CHD7: variants seen among roughly 807,000 people sequenced by gnomAD.
The protein encoded by CHD7 is ATP-dependent chromatin remodeler CHD7.
Under a neutral mutation model 307.3 loss-of-function variants are expected in CHD7, and 24 were observed. That is an observed-to-expected ratio of 0.08 (90% CI 0.06 to 0.11). The LOEUF (loss-of-function observed/expected upper bound fraction) is 0.11. Among genes scored for constraint, CHD7 ranks in the 10% least tolerant of loss-of-function variants. CHD7 has a pLI of 1.00. For missense variants in CHD7, 3,106 were observed against 3,727.1 expected, an observed-to-expected ratio of 0.83 and a Z score of 4.34; for synonymous variants, 1,363 against 1,349.9, an observed-to-expected ratio of 1.01 and a Z score of -0.21.
intron 15 of CHD7, among the ~76,000 whole-genome samples, chr8:60,835,791 G>C (rs1804715772): frequency 6.6e-6 from 1 of 152,150 alleles, no homozygotes; most frequent in Non-Finnish European, 1.5e-5. Context: ...TTGACAGTCT[G>C]TTGTTGAAAT....
intron 2 of CHD7, among the ~76,000 whole-genome samples, chr8:60,745,147 G>T (rs1586256196): frequency 1.3e-5 from 2 of 152,050 alleles, no homozygotes; most frequent in Non-Finnish European, 2.9e-5. Flanking sequence ...CAGCAGACCT[G>T]GGTGGCTTTT....
At chr8:60,684,130 T>C (rs2150475682) in intron 1 of CHD7, among the ~76,000 whole-genome samples, 1 of 152,332 alleles carries the variant, frequency 6.6e-6, no homozygotes, top group Non-Finnish European at 1.5e-5. Context: ...AAATTAGAAA[T>C]GTCTTTTTAA....
At chr8:60,756,598 G>T (rs1433257094) in intron 2 of CHD7, among the ~76,000 whole-genome samples, 1 of 152,186 alleles carries the variant, frequency 6.6e-6, no homozygotes, top group East Asian at 1.9e-4. Flanking sequence ...GATTGCTTGA[G>T]CCCAGGAGTT....
At chr8:60,729,846 A>T (rs1808352292) in intron 1 of CHD7, among the ~76,000 whole-genome samples, 1 of 152,236 alleles carries the variant, frequency 6.6e-6, no homozygotes, top group African/African-American at 2.4e-5. Flanking sequence ...ATCAAAATGG[A>T]CACAATGTAG....
At chr8:60,770,451 G>C (rs1342526509) in intron 2 of CHD7, among the ~76,000 whole-genome samples, 2 of 152,116 alleles carry the variant, frequency 1.3e-5, no homozygotes, top group Non-Finnish European at 2.9e-5. Context: ...CCCCTCAGCA[G>C]TGTTTATAAA....
intron 7 of CHD7, among the ~76,000 whole-genome samples, 177 bp from the exon 8 acceptor site, chr8:60,816,210 A>G (rs564111283): frequency 6.6e-6 from 1 of 151,892 alleles, no homozygotes; most frequent in Non-Finnish European, 1.5e-5. Context: ...AGGCACTAAT[A>G]TTGATTTTCT....
chr8:60,822,717 T>C lies in CHD7; in HGVS notation c.3172T>C (p.Leu1058=), dbSNP rs770678699. ...GSQASRRTIQ[L]YEMYFKDPQG... is the part of the protein sequence containing the mutation. The stretch of plus-strand genomic sequence containing the variant: ...TCAAGCTAGTCGTCGGACCATTCAG[T>C]TGTATGAAATGTACTTCAAAGATCC... The change falls in exon 12 of 38, where the codon TTG becomes CTG. Residue 1058 remains leucine, a synonymous_variant. Coordinates refer to ENST00000423902, the MANE Select transcript of CHD7 (RefSeq NM_017780.4). 1 of 1,611,990 alleles carries C rather than the reference T, an allele frequency of 6.2e-7. No homozygotes were observed. The highest frequency in any genetic ancestry group is 8.5e-7 in the Non-Finnish European group (1 of 1,178,504).
chr8:60,705,096 A>G (rs1201791066), intron 1 of CHD7, among the ~76,000 whole-genome samples: 2 of 152,202 alleles, frequency 1.3e-5, no homozygotes, highest in African/African-American at 4.8e-5. Context: ...AAAGGAATAT[A>G]TAGGAAGGAG....
At chr8:60,853,759 GTTAAC>G (rs1805585174) in intron 31 of CHD7, among the ~76,000 whole-genome samples, 1 of 152,224 alleles carries the variant, frequency 6.6e-6, no homozygotes, top group Admixed American at 6.5e-5. Context: ...AAGGATGGAA[GTTAAC>G]TTGTAGTGAG....
chr8:60,851,068 T>C lies in CHD7; in HGVS notation c.5571T>C (p.Tyr1857=). The stretch of plus-strand genomic sequence containing the variant: ...ATAGAGAAGATGAAGACCCAGAATA[T>C]AAACCAACCAGAACACCGTTCAAAG... ...EFDREDEDPE[Y]KPTRTPFKDE... The change falls in exon 27 of 38, where the codon TAT becomes TAC. Residue 1857 remains tyrosine, a synonymous_variant. Coordinates refer to ENST00000423902, the MANE Select transcript of CHD7 (RefSeq NM_017780.4). 1 of 1,575,574 alleles carries C rather than the reference T, an allele frequency of 6.3e-7. No homozygotes were observed.
intron 3 of CHD7, among the ~76,000 whole-genome samples, chr8:60,784,937 G>T (rs927638608): frequency 6.6e-6 from 1 of 151,778 alleles, no homozygotes; most frequent in Non-Finnish European, 1.5e-5. Flanking sequence ...TTTTTGTATC[G>T]ATTTTTCTAG....
At chr8:60,766,950 G>A (rs1468183092) in intron 2 of CHD7, among the ~76,000 whole-genome samples, 4 of 152,206 alleles carry the variant, frequency 2.6e-5, no homozygotes, top group Non-Finnish European at 5.9e-5. Context: ...AGCACAGATA[G>A]AGTTGAGATC....
intron 4 of CHD7, among the ~76,000 whole-genome samples, chr8:60,796,290 T>C (rs1812031163): frequency 6.6e-6 from 1 of 152,248 alleles, no homozygotes; most frequent in African/African-American, 2.4e-5. Context: ...GGAAGGTAAG[T>C]AGATATCATT....
At chr8:60,820,182 G>T in intron 9 of CHD7, 92 bp downstream of exon 9, 2 of 747,202 alleles carry the variant, frequency 2.7e-6, no homozygotes, top group Non-Finnish European at 4.5e-6. Flanking sequence ...CCTGGTCTTG[G>T]TCAGAGCCTT....
chr8:60,800,584 T>C (rs1374785927), intron 5 of CHD7, 59 bp downstream of exon 5: 7 of 1,120,164 alleles, frequency 6.2e-6, no homozygotes, highest in East Asian at 2.8e-5. Flanking sequence ...AGAAATTTCA[T>C]TGCTGCAATC....
chr8:60,800,643 T>C, intron 5 of CHD7, 118 bp downstream of exon 5: 1 of 918,786 alleles, frequency 1.1e-6, no homozygotes, highest in Non-Finnish European at 1.6e-6. Flanking sequence ...AACATCCACC[T>C]AATGTTGGAT....
In CHD7 at chr8:60,867,298, A is replaced by C. The variant is rs1806271075; in HGVS notation, c.*1365A>C. 6.6e-6 allele frequency: 1 copy of C among 152,218 alleles called. No individual in the cohort carries two copies. Among genetic ancestry groups the C allele is most frequent in the African/African-American group, 2.4e-5 (1 of 41,454 alleles). 9.4% of individuals were successfully genotyped at this position (152,218 alleles called of 1,614,324 possible). On this transcript the variant is annotated 3_prime_UTR_variant, in exon 38 of 38. Coordinates refer to ENST00000423902, the MANE Select transcript of CHD7 (RefSeq NM_017780.4). ...TTTATCCTTGGTTAATGGGTAGAAA[A>C]ACACAATGCGGTAGTGTCAGCAAGG...
At chr8:60,694,136 G>A (rs554266057) in intron 1 of CHD7, among the ~76,000 whole-genome samples, 117 of 152,362 alleles carry the variant, frequency 7.7e-4, no homozygotes, top group African/African-American at 2.7e-3. Context: ...TCTCTAAAGA[G>A]CGAATGGCAA....
At position 60,822,741 on chromosome 8, in the gene CHD7, C is replaced by A; in HGVS notation, c.3196C>A (p.Pro1066Thr). ...GTTGTATGAAATGTACTTCAAAGATCCCCAGGTAAACCTTCACAGGTTGTA... is the reference window on the plus strand; with the variant it reads ...GTTGTATGAAATGTACTTCAAAGATACCCAGGTAAACCTTCACAGGTTGTA... ...IQLYEMYFKDPQGRVIKGSYK... is the reference protein window; with the variant it reads ...IQLYEMYFKDTQGRVIKGSYK... Residue 1066 changes from proline to threonine, a missense_variant, in exon 12 of 38, where the codon CCC (proline) becomes ACC (threonine). By Grantham distance (38) the Pro-to-Thr change is conservative. Transcript: ENST00000423902. 6.2e-7 allele frequency: 1 copy of A among 1,604,256 alleles called. No homozygotes were observed. The highest frequency in any genetic ancestry group is 1.1e-5 in the South Asian group (1 of 89,760).
Sources: allele counts gnomAD v4.1 joint callset (sites outside exome capture counted in the v4.1 genomes callset), GRCh38; gene constraint gnomAD v4.1.1; transcripts MANE v1.5; gene names NCBI Gene and HGNC (gene_info 2026-07-23, HGNC 2026-07-21).